GABRB1: variants seen among roughly 807,000 people sequenced by gnomAD.
The protein encoded by GABRB1 is gamma-aminobutyric acid receptor subunit beta-1.
In GABRB1, 17 loss-of-function variants were observed where a neutral mutation model predicts 51.6. The observed-to-expected ratio is 0.33, with a 90% CI of 0.23 to 0.49. GABRB1 has a LOEUF of 0.49. Among genes scored for constraint, GABRB1 ranks in the 20% least tolerant of loss-of-function variants. GABRB1 has a pLI of 0.99. For missense variants in GABRB1, 410 were observed against 600.6 expected (o/e 0.68, Z 3.32); for synonymous variants, 247 against 218.9 (o/e 1.13, Z -1.14).
At chr4:47,413,478 C>A (rs1728824328) in intron 8 of GABRB1, among the ~76,000 whole-genome samples, 1 of 152,148 alleles carries the variant, frequency 6.6e-6, no homozygotes, top group Non-Finnish European at 1.5e-5. Flanking sequence ...ATAATGCAAA[C>A]TGTGTGGTAT....
At chr4:47,335,413 G>A (rs1399869310) in intron 5 of GABRB1, among the ~76,000 whole-genome samples, 1 of 151,866 alleles carries the variant, frequency 6.6e-6, no homozygotes, top group African/African-American at 2.4e-5. Context: ...GGAAATATTC[G>A]GAAGTGTCCT....
intron 3 of GABRB1, among the ~76,000 whole-genome samples, chr4:47,114,828 A>G (rs1055558526): frequency 2.0e-5 from 3 of 152,200 alleles, no homozygotes; most frequent in African/African-American, 7.2e-5. Flanking sequence ...GGAAGACAGA[A>G]TATAAACCAA....
intron 3 of GABRB1, among the ~76,000 whole-genome samples, chr4:47,085,103 C>T (rs1422844214): frequency 2.0e-5 from 3 of 152,156 alleles, no homozygotes; most frequent in Non-Finnish European, 2.9e-5. Context: ...ATGAGTAAAA[C>T]ACTTAACTCA....
chr4:47,036,916 C>G (rs182739346), intron 3 of GABRB1, among the ~76,000 whole-genome samples: 2 of 150,634 alleles, frequency 1.3e-5, no homozygotes, highest in Non-Finnish European at 3.0e-5. Flanking sequence ...AAGAAATGAA[C>G]TTTTTTTTTC....
chr4:47,146,353 G>A (rs1449723673), intron 3 of GABRB1, among the ~76,000 whole-genome samples: 4 of 151,300 alleles, frequency 2.6e-5, no homozygotes, highest in Admixed American at 2.0e-4. Flanking sequence ...ATGATAATGC[G>A]TCTTTGTAGA....
Position 47,078,084 on chromosome 4 carries a change from G to A in GABRB1, c.240+45600G>A, listed in dbSNP as rs1330865830. 2.0e-5 allele frequency among the ~76,000 whole-genome samples: 3 copies of A among 148,552 alleles called. No individual in the cohort carries two copies. In the East Asian group the frequency reaches 5.9e-4, roughly 29 times the overall value. On this transcript the variant is annotated intron_variant, in intron 3 of 8. Coordinates refer to ENST00000295454, the MANE Select transcript of GABRB1 (RefSeq NM_000812.4). ...GGCTCACCGCAACCTCTACCTTCCG[G>A]GTTCAAGCAATTCTCCTGCCTCAGC...
intron 1 of GABRB1, among the ~76,000 whole-genome samples, chr4:47,020,661 A>G (rs1301798479): frequency 6.6e-6 from 1 of 152,108 alleles, no homozygotes; most frequent in African/African-American, 2.4e-5. Context: ...GCTTCACAAT[A>G]TATCTGCAAT....
chr4:47,081,466 C>T (rs1727838530), intron 3 of GABRB1, among the ~76,000 whole-genome samples: 1 of 152,148 alleles, frequency 6.6e-6, no homozygotes, highest in African/African-American at 2.4e-5. Context: ...CAAATGCATA[C>T]ATTTAGTATT....
intron 5 of GABRB1, among the ~76,000 whole-genome samples, chr4:47,400,033 C>T (rs1379197407): frequency 6.6e-6 from 1 of 152,108 alleles, no homozygotes; most frequent in East Asian, 1.9e-4. Flanking sequence ...TCCCTTCTTT[C>T]AGGAATGCCC....
chr4:47,395,894 T>C (rs927724021), intron 5 of GABRB1, among the ~76,000 whole-genome samples: 3 of 152,144 alleles, frequency 2.0e-5, no homozygotes, highest in African/African-American at 7.2e-5. Context: ...TGTTGCAACA[T>C]TATTGTTCTG....
At chr4:47,400,921 C>CTTTTTTTTTTTTTTT (rs71195629) in intron 5 of GABRB1, among the ~76,000 whole-genome samples, 1 of 98,542 alleles carries the variant, frequency 1.0e-5, no homozygotes, top group African/African-American at 4.1e-5. Flanking sequence ...TTGTTCTTCT[C>CTTTTTTTTTTTTTTT]TTTTTTTTTT....
At chr4:47,317,359 A>C (rs1264335092) in intron 4 of GABRB1, among the ~76,000 whole-genome samples, 1 of 152,010 alleles carries the variant, frequency 6.6e-6, no homozygotes, top group African/African-American at 2.4e-5. Flanking sequence ...GAAGCTGTTA[A>C]ACAAAGAATA....
chr4:47,105,769 G>T (rs1714941149), intron 3 of GABRB1, among the ~76,000 whole-genome samples: 1 of 152,090 alleles, frequency 6.6e-6, no homozygotes, highest in African/African-American at 2.4e-5. Flanking sequence ...CATTAGGGAG[G>T]CTTTCCCAGT....
intron 4 of GABRB1, among the ~76,000 whole-genome samples, chr4:47,274,063 A>AATG (rs1194301520): frequency 6.6e-6 from 1 of 152,122 alleles, no homozygotes; most frequent in Non-Finnish European, 1.5e-5. Flanking sequence ...ATGATTGGAT[A>AATG]ATGCTTCCAT....
At chr4:47,313,300 C>A (rs1177666206) in intron 4 of GABRB1, among the ~76,000 whole-genome samples, 7 of 152,054 alleles carry the variant, frequency 4.6e-5, no homozygotes, top group Admixed American at 1.3e-4. Context: ...TTGCTATCCA[C>A]CAACAAAAAT....
chr4:47,114,527 G>A (rs1024475547), intron 3 of GABRB1, among the ~76,000 whole-genome samples: 3 of 152,126 alleles, frequency 2.0e-5, no homozygotes, highest in Admixed American at 2.0e-4. Flanking sequence ...GTCCAATAAT[G>A]TACTTTTGCA....
intron 5 of GABRB1, among the ~76,000 whole-genome samples, chr4:47,364,780 G>T (rs75308087): frequency 6.6e-6 from 1 of 151,810 alleles, no homozygotes; most frequent in Non-Finnish European, 1.5e-5. Context: ...CAAGTTAAAA[G>T]CAATACTTAG....
intron 3 of GABRB1, among the ~76,000 whole-genome samples, chr4:47,067,775 T>C (rs2109539385): frequency 6.6e-6 from 1 of 152,256 alleles, no homozygotes; most frequent in South Asian, 2.1e-4. Context: ...GTGCAGGATA[T>C]GCAGGTTTGT....
chr4:47,184,663 G>A (rs1182127785), intron 4 of GABRB1, among the ~76,000 whole-genome samples: 1 of 151,898 alleles, frequency 6.6e-6, no homozygotes, highest in East Asian at 1.9e-4. Flanking sequence ...AGGATCAAGA[G>A]TCAGAGAAAA....
Sources: gnomAD v4.1 joint callset for allele counts (sites outside exome capture counted in the v4.1 genomes callset) on GRCh38, gnomAD v4.1.1 for gene constraint, MANE v1.5 for transcripts, NCBI Gene and HGNC (gene_info 2026-07-23, HGNC 2026-07-21) for gene names.